FOXN3: variants seen among roughly 807,000 people sequenced by gnomAD.
The protein encoded by FOXN3 is forkhead box N3.
A neutral mutation model predicts 38.4 loss-of-function variants in FOXN3; 7 were observed. The observed-to-expected ratio is 0.18, with a 90% CI of 0.10 to 0.34. The LOEUF is 0.34. Ranked by LOEUF, FOXN3 falls within the 10% of genes least tolerant of loss-of-function variation. The pLI, the probability that FOXN3 is intolerant of heterozygous loss-of-function variation, is 1.00. For missense variants in FOXN3, 456 were observed against 613.4 expected (o/e 0.74, Z 2.71); for synonymous variants, 230 against 242.2 (o/e 0.95, Z 0.47).
intron 1 of FOXN3, among the ~76,000 whole-genome samples, chr14:89,427,990 A>G (rs1892076454): frequency 6.6e-6 from 1 of 152,174 alleles, no homozygotes; most frequent in African/African-American, 2.4e-5. Context: ...TAGTGAGTAC[A>G]CCAAGTACCA....
intron 2 of FOXN3, among the ~76,000 whole-genome samples, chr14:89,390,515 T>C (rs1171977603): frequency 2.9e-5 from 4 of 137,316 alleles, no homozygotes; most frequent in Non-Finnish European, 6.3e-5. Flanking sequence ...AAAAAGGAAA[T>C]CTCAACACAG....
intron 3 of FOXN3, chr14:89,290,662 G>A (rs1886841452): frequency 2.2e-6 from 1 of 448,026 alleles, no homozygotes; most frequent in South Asian, 1.9e-5. Context: ...GCATGTTGCT[G>A]GGAAGGATGA....
intron 1 of FOXN3, among the ~76,000 whole-genome samples, chr14:89,588,823 C>A (rs975867271): frequency 3.6e-4 from 55 of 152,316 alleles, no homozygotes; most frequent in African/African-American, 1.2e-3. Flanking sequence ...TACCCAGGGG[C>A]AAAGCCAACG....
chr14:89,487,950 G>A (rs576617996), intron 1 of FOXN3, among the ~76,000 whole-genome samples: 52 of 152,138 alleles, frequency 3.4e-4, no homozygotes, highest in Non-Finnish European at 6.5e-4. Context: ...CCAAAGCGAA[G>A]GCCCGGAGGT....
intron 5 of FOXN3, among the ~76,000 whole-genome samples, chr14:89,172,925 T>C (rs1435016159): frequency 6.6e-6 from 1 of 152,132 alleles, no homozygotes; most frequent in Non-Finnish European, 1.5e-5. Flanking sequence ...TATAGGAGAC[T>C]ATATGACCAT....
At chr14:89,213,898 A>T (rs1441155600) in intron 4 of FOXN3, among the ~76,000 whole-genome samples, 2 of 152,218 alleles carry the variant, frequency 1.3e-5, no homozygotes, top group Non-Finnish European at 2.9e-5. Flanking sequence ...TAAATTTTAT[A>T]CTCACTGTAA....
chr14:89,375,942 G>C (rs566735274), intron 2 of FOXN3, among the ~76,000 whole-genome samples: 1 of 152,042 alleles, frequency 6.6e-6, no homozygotes, highest in South Asian at 2.1e-4. Context: ...CACCATGCCT[G>C]GCTAATTTTT....
intron 4 of FOXN3, among the ~76,000 whole-genome samples, chr14:89,275,879 G>A (rs2139910315): frequency 6.6e-6 from 1 of 152,314 alleles, no homozygotes; most frequent in East Asian, 1.9e-4. Flanking sequence ...TTTTAGCTGT[G>A]GGGGTGGGTA....
chr14:89,420,597 C>A (rs1227809795), upstream of FOXN3, among the ~76,000 whole-genome samples: 1 of 152,116 alleles, frequency 6.6e-6, no homozygotes, highest in South Asian at 2.1e-4. Flanking sequence ...CAAGAGAAAT[C>A]GATGGCACAG....
At chr14:89,261,997 G>A (rs544207977) in intron 4 of FOXN3, among the ~76,000 whole-genome samples, 1 of 152,224 alleles carries the variant, frequency 6.6e-6, no homozygotes, top group African/African-American at 2.4e-5. Context: ...CCAGCTACTC[G>A]GAAGGCTGAG....
chr14:89,324,311 G>C (rs534046273), intron 3 of FOXN3, among the ~76,000 whole-genome samples: 2 of 152,224 alleles, frequency 1.3e-5, no homozygotes, highest in East Asian at 3.9e-4. Context: ...AGGGAGGTGG[G>C]GGGACATTTT....
chr14:89,592,781 G>T (rs1349060035), intron 1 of FOXN3, among the ~76,000 whole-genome samples: 3 of 152,108 alleles, frequency 2.0e-5, no homozygotes, highest in Non-Finnish European at 4.4e-5. Context: ...AAAGAGAAGA[G>T]AACATGGGAT....
chr14:89,329,597 C>T (rs1333269154), intron 3 of FOXN3, among the ~76,000 whole-genome samples: 1 of 152,156 alleles, frequency 6.6e-6, no homozygotes, highest in Non-Finnish European at 1.5e-5. Context: ...GTGGCTCAAG[C>T]CTGTAATCCC....
intron 1 of FOXN3, among the ~76,000 whole-genome samples, chr14:89,481,792 G>A (rs1426039883): frequency 6.6e-6 from 1 of 152,178 alleles, no homozygotes; most frequent in African/African-American, 2.4e-5. Context: ...TCTTAGAAGA[G>A]TCTCAATAAA....
intron 4 of FOXN3, among the ~76,000 whole-genome samples, chr14:89,196,521 G>T (rs1018780699): frequency 1.3e-5 from 2 of 152,206 alleles, no homozygotes; most frequent in African/African-American, 4.8e-5. Context: ...CATAGTTCCT[G>T]CTCTGTAATG....
At chr14:89,479,816 C>T (rs1469687880) in intron 1 of FOXN3, among the ~76,000 whole-genome samples, 1 of 152,168 alleles carries the variant, frequency 6.6e-6, no homozygotes, top group African/African-American at 2.4e-5. Flanking sequence ...ATGGTGATTT[C>T]CATTTAATTA....
intron 1 of FOXN3, among the ~76,000 whole-genome samples, chr14:89,519,940 A>G (rs139585625): frequency 2.3e-3 from 351 of 152,324 alleles, no homozygotes; most frequent in African/African-American, 8.0e-3. Flanking sequence ...CAAAAGCTAT[A>G]AAAGAATCTA....
At chr14:89,578,543 C>A (rs1311584857) in intron 1 of FOXN3, among the ~76,000 whole-genome samples, 2 of 152,208 alleles carry the variant, frequency 1.3e-5, no homozygotes, top group African/African-American at 4.8e-5. Context: ...CTGACCGACA[C>A]AGAACTCTTG....
At chr14:89,439,757 G>A (rs973799559) in intron 1 of FOXN3, among the ~76,000 whole-genome samples, 2 of 150,044 alleles carry the variant, frequency 1.3e-5, no homozygotes, top group African/African-American at 4.9e-5. Context: ...CCAGGTTCAC[G>A]CCATTCTCCT....
Sources: allele counts gnomAD v4.1 joint callset (sites outside exome capture counted in the v4.1 genomes callset), GRCh38; gene constraint gnomAD v4.1.1; transcripts MANE v1.5; gene names NCBI Gene and HGNC (gene_info 2026-07-23, HGNC 2026-07-21).